Variants in ADAM22 observed in about 807,000 individuals in gnomAD.
ADAM22 encodes the protein ADAM metallopeptidase domain 22, also known as disintegrin and metalloproteinase domain-containing protein 22.
ADAM22 carries 65 observed loss-of-function variants against 144.6 expected under a neutral mutation model. The ratio of observed to expected loss-of-function variants is 0.45; its 90% confidence interval spans 0.37 to 0.55. The LOEUF (loss-of-function observed/expected upper bound fraction) is 0.55. Ranked by LOEUF, ADAM22 falls within the 20% of genes least tolerant of loss-of-function variation. The probability of loss-of-function intolerance (pLI) is 0.00; values close to 1 mark genes in which losing one functional copy is unlikely to be tolerated. For synonymous variants in ADAM22, 391 were observed against 412.6 expected, an observed-to-expected ratio of 0.95 and a Z score of 0.63; for missense variants, 974 against 1,184.9, an observed-to-expected ratio of 0.82 and a Z score of 2.61.
At chr7:88,071,391 ATTTTT>A (rs71297113) in intron 3 of ADAM22, among the ~76,000 whole-genome samples, 1 of 126,058 alleles carries the variant, frequency 7.9e-6, no homozygotes, top group African/African-American at 3.0e-5. Flanking sequence ...TTATGAAGTG[ATTTTT>A]TTTTTTTTTT....
intron 20 of ADAM22, among the ~76,000 whole-genome samples, chr7:88,152,815 A>G (rs1200903862): frequency 1.3e-5 from 2 of 151,982 alleles, no homozygotes; most frequent in African/African-American, 4.8e-5. Context: ...AGTAGCTGGG[A>G]CTACAGGTGC....
intron 3 of ADAM22, among the ~76,000 whole-genome samples, chr7:87,985,471 A>C (rs1047691992): frequency 1.3e-5 from 2 of 152,128 alleles, no homozygotes; most frequent in East Asian, 3.8e-4. Flanking sequence ...GTTGCCATTT[A>C]CATGTAAACC....
chr7:88,148,909 TTTTAGATGATA>T (rs1253736302), intron 17 of ADAM22, 57 bp from the exon 18 acceptor site: 5 of 1,216,110 alleles, frequency 4.1e-6, no homozygotes, highest in Non-Finnish European at 5.8e-6. Flanking sequence ...ATTTTGTTTT[TTTTAGATGATA>T]TTGTAAGATT....
intron 6 of ADAM22, among the ~76,000 whole-genome samples, chr7:88,116,451 C>A (rs1168671697): frequency 6.6e-6 from 1 of 152,164 alleles, no homozygotes; most frequent in Non-Finnish European, 1.5e-5. Flanking sequence ...AACATTAAGT[C>A]ATTTTGCCAA....
intron 2 of ADAM22, among the ~76,000 whole-genome samples, chr7:87,942,783 A>G (rs968976417): frequency 7.2e-5 from 11 of 152,214 alleles, no homozygotes; most frequent in African/African-American, 2.2e-4. Context: ...GTCACATATT[A>G]GTATTCAGCA....
chr7:88,161,929 A>G (rs573585717), intron 22 of ADAM22, among the ~76,000 whole-genome samples: 6 of 152,124 alleles, frequency 3.9e-5, no homozygotes, highest in South Asian at 2.1e-4. Flanking sequence ...AACAAATACT[A>G]TTCGACCCAG....
At chr7:87,947,801 A>G (rs1844078916) in intron 2 of ADAM22, among the ~76,000 whole-genome samples, 1 of 152,194 alleles carries the variant, frequency 6.6e-6, no homozygotes, top group African/African-American at 2.4e-5. Context: ...TGGAATAAAA[A>G]TTATTTTAAT....
intron 3 of ADAM22, among the ~76,000 whole-genome samples, chr7:88,060,679 A>G (rs2129476570): frequency 6.6e-6 from 1 of 150,984 alleles, no homozygotes; most frequent in East Asian, 2.0e-4. Flanking sequence ...AGGCAGGAGA[A>G]TGGCATGAAC....
At chr7:88,062,849 C>G (rs968205777) in intron 3 of ADAM22, among the ~76,000 whole-genome samples, 2 of 151,990 alleles carry the variant, frequency 1.3e-5, no homozygotes, top group African/African-American at 4.8e-5. Flanking sequence ...ATAGGGATGC[C>G]TGTGGAGAGG....
chr7:88,038,925 C>T (rs1802244019), intron 3 of ADAM22, among the ~76,000 whole-genome samples: 3 of 151,910 alleles, frequency 2.0e-5, no homozygotes, highest in Admixed American at 2.0e-4. Context: ...GGACTATAGG[C>T]ATGTGAGGCC....
At chr7:88,166,245 C>T (rs552387419) in intron 24 of ADAM22, among the ~76,000 whole-genome samples, 2 of 152,236 alleles carry the variant, frequency 1.3e-5, no homozygotes, top group East Asian at 3.9e-4. Context: ...GTAGTCATAA[C>T]TCTTAATTGT....
chr7:88,181,581 C>T lies in ADAM22; in HGVS notation c.2572C>T (p.Arg858Ter), dbSNP rs939979170. ...TATTTCAGACATCTGTGAAAATGGGCGACCTCGAAGTAACTCTTGGCAAGG... is the reference window on the plus strand; with the variant it reads ...TATTTCAGACATCTGTGAAAATGGGTGACCTCGAAGTAACTCTTGGCAAGG... Reference protein sequence around the residue: ...KHISDICENGRPRSNSWQGNL... With the variant: ...KHISDICENG Residue 858 changes from arginine to a stop codon, truncating the protein, a stop_gained, in exon 28 of 32, where the codon CGA (arginine) becomes TGA (stop). Transcript: ENST00000413139. LOFTEE classifies it high-confidence loss of function. The T allele has an allele frequency of 6.2e-7, 1 of 1,613,584 alleles. No homozygotes were observed.
In ADAM22 at chr7:88,197,607, T is replaced by C. The variant is rs369642267; in HGVS notation, c.*1116T>C. On this transcript the variant is annotated 3_prime_UTR_variant, in exon 32 of 32. Coordinates refer to ENST00000413139, the MANE Select transcript of ADAM22 (RefSeq NM_001324418.2). ...TCTGGTTTGCCAATACTCTAACCCT[T>C]TGTGGCCTGAAGTTTTGTTCCTTGG... 2.1e-4 allele frequency: 32 copies of C among 152,338 alleles called. No individual in the cohort carries two copies. The highest frequency in any genetic ancestry group is 7.5e-4 in the African/African-American group (31 of 41,566). The allele number at this position is 152,338 out of a possible 1,614,324, so 9.4% of individuals were successfully genotyped here.
In ADAM22 at chr7:87,934,505, C is replaced by T; in HGVS notation, c.40C>T (p.Leu14Phe). ...AVAVSVPFLL[L>F]CVLGTCPPAR... is the part of the protein sequence containing the mutation. ...GGCTGTGTCCGTGCCCTTCTTGCTG[C>T]TCTGTGTCCTGGGGACCTGCCCTCC... is the stretch of plus-strand genomic sequence containing the variant. Residue 14 changes from leucine (L) to phenylalanine (F), a missense_variant, in exon 1 of 32, where the codon CTC becomes TTC. Transcript: ENST00000413139. 1 of 1,609,080 alleles carries T rather than the reference C, an allele frequency of 6.2e-7. No homozygotes were observed. Among genetic ancestry groups the T allele is most frequent in the Admixed American group, 1.7e-5 (1 of 59,930 alleles).
chr7:87,969,474 T>C (rs1316349889), intron 2 of ADAM22, among the ~76,000 whole-genome samples: 1 of 152,212 alleles, frequency 6.6e-6, no homozygotes, highest in East Asian at 1.9e-4. Context: ...GACTGTGAGT[T>C]TCCTGAGTGC....
At position 88,162,138 on chromosome 7, in the gene ADAM22, G is replaced by A. The variant is rs373795743; in HGVS notation, c.1908-874G>A. Reference sequence around the variant, plus strand: ...CACACACACACACACACACACCATGGAATACTATGCAGCCATAAAAAAGAA... The same window carrying A: ...CACACACACACACACACACACCATGAAATACTATGCAGCCATAAAAAAGAA... On this transcript the variant is annotated intron_variant, in intron 22 of 31. Transcript: ENST00000413139. 9.7e-3 allele frequency among the ~76,000 whole-genome samples: 771 copies of A among 79,630 alleles called. 12 individuals are homozygous for A. The highest frequency in any genetic ancestry group is 0.042 in the African/African-American group (739 of 17,722). The allele number at this position is 79,630 out of a possible 152,430, so 52.2% of individuals were successfully genotyped here. A position where few individuals can be genotyped will look rare whatever the true frequency, so the allele number is the denominator to read the frequency against.
At chr7:88,171,747 A>G (rs1844375441) in intron 26 of ADAM22, among the ~76,000 whole-genome samples, 186 bp downstream of exon 26, 1 of 151,798 alleles carries the variant, frequency 6.6e-6, no homozygotes, top group South Asian at 2.1e-4. Context: ...GCAATTTAAA[A>G]TAGATCTGTC....
At chr7:88,157,546 C>T (rs942021610) in intron 22 of ADAM22, among the ~76,000 whole-genome samples, 5 of 151,990 alleles carry the variant, frequency 3.3e-5, no homozygotes, top group African/African-American at 1.2e-4. Context: ...CTAGAAATTG[C>T]ACTCCACCAA....
chr7:88,082,385 T>C (rs1171978827), intron 4 of ADAM22, among the ~76,000 whole-genome samples: 8 of 152,102 alleles, frequency 5.3e-5, no homozygotes, highest in African/African-American at 1.9e-4. Flanking sequence ...ATAAAAACCC[T>C]AGAAGAAAAC....
Sources: gnomAD v4.1 joint callset for allele counts (sites outside exome capture counted in the v4.1 genomes callset) on GRCh38, gnomAD v4.1.1 for gene constraint, MANE v1.5 for transcripts, NCBI Gene and HGNC (gene_info 2026-07-23, HGNC 2026-07-21) for gene names.